Variants in STPG2 observed in about 807,000 individuals in gnomAD.
The protein encoded by STPG2 is sperm-tail PG-rich repeat-containing protein 2.
Under a neutral mutation model 54.2 loss-of-function variants are expected in STPG2, and 56 were observed. The observed-to-expected ratio is 1.03, with a 90% confidence interval of 0.83 to 1.29. The LOEUF (loss-of-function observed/expected upper bound fraction) is 1.29, where lower values mean the gene tolerates loss of function less well. STPG2 is among the 50% of genes most tolerant of loss of function. The pLI, the probability that STPG2 is intolerant of heterozygous loss-of-function variation, is 0.00. For synonymous variants in STPG2, 200 were observed against 181.8 expected (o/e 1.10, Z -0.81); for missense variants, 596 against 544.9 (o/e 1.09, Z -0.93).
intron 5 of STPG2, among the ~76,000 whole-genome samples, chr4:98,105,530 G>T (rs1031546437): frequency 2.0e-5 from 3 of 152,096 alleles, no homozygotes; most frequent in Non-Finnish European, 4.4e-5. Flanking sequence ...CGTTTTAACA[G>T]AAATGGGACT....
chr4:97,699,598 C>T (rs1723699073), intron 10 of STPG2, among the ~76,000 whole-genome samples: 1 of 152,208 alleles, frequency 6.6e-6, no homozygotes, highest in Admixed American at 6.5e-5. Context: ...AAGTGCATAA[C>T]CAGGTGCACT....
chr4:97,570,556 A>G (rs1732573097), intron 10 of STPG2, among the ~76,000 whole-genome samples: 1 of 151,560 alleles, frequency 6.6e-6, no homozygotes, highest in Non-Finnish European at 1.5e-5. Context: ...TTGCAAAAAC[A>G]AAAGTTTTTT....
At chr4:97,955,451 G>A (rs783951) in intron 7 of STPG2, among the ~76,000 whole-genome samples, 62,725 of 151,758 alleles carry the variant, frequency 0.41, 13,618 homozygotes, top group Admixed American at 0.53. Context: ...TCCTGACCTC[G>A]TGATCCACCC....
intron 9 of STPG2, among the ~76,000 whole-genome samples, chr4:97,741,108 A>G (rs1725215124): frequency 6.6e-6 from 1 of 152,086 alleles, no homozygotes; most frequent in Admixed American, 6.6e-5. Context: ...AATATGCAAT[A>G]GGGAAAGGAT....
intron 10 of STPG2, among the ~76,000 whole-genome samples, chr4:97,652,388 C>A (rs988545783): frequency 6.6e-6 from 1 of 151,722 alleles, no homozygotes; most frequent in African/African-American, 2.4e-5. Context: ...TAAAATCAGT[C>A]CTTTTTGTCT....
chr4:97,593,487 C>T (rs1314392183), intron 10 of STPG2, among the ~76,000 whole-genome samples: 1 of 152,134 alleles, frequency 6.6e-6, no homozygotes, highest in South Asian at 2.1e-4. Context: ...AGAATTTGTA[C>T]ACGGATGCCA....
intron 7 of STPG2, among the ~76,000 whole-genome samples, chr4:97,968,906 A>T (rs1734215624): frequency 6.6e-6 from 1 of 152,226 alleles, no homozygotes; most frequent in Non-Finnish European, 1.5e-5. Context: ...CAGAGAGCCT[A>T]TGAACGGATG....
chr4:97,787,380 T>C (rs1291163104), intron 9 of STPG2, among the ~76,000 whole-genome samples: 1 of 152,102 alleles, frequency 6.6e-6, no homozygotes, highest in Non-Finnish European at 1.5e-5. Context: ...TTCGCCCCTA[T>C]GCTCATCGGT....
chr4:97,962,693 A>G (rs1733934632), intron 7 of STPG2, among the ~76,000 whole-genome samples: 1 of 152,212 alleles, frequency 6.6e-6, no homozygotes. Flanking sequence ...TAGTATTGCA[A>G]CAACACTTTT....
At chr4:97,904,280 G>A (rs1230676533) in intron 8 of STPG2, among the ~76,000 whole-genome samples, 3 of 152,202 alleles carry the variant, frequency 2.0e-5, no homozygotes, top group Non-Finnish European at 1.5e-5. Context: ...CTCCTCAAGT[G>A]GGTCCCTGAC....
intron 9 of STPG2, among the ~76,000 whole-genome samples, chr4:97,788,220 T>C (rs1453056767): frequency 6.6e-6 from 1 of 152,042 alleles, no homozygotes; most frequent in Non-Finnish European, 1.5e-5. Flanking sequence ...GCTTCCCCTA[T>C]GACCCACTAC....
chr4:98,054,253 C>T (rs1737415661), intron 5 of STPG2, among the ~76,000 whole-genome samples: 1 of 151,984 alleles, frequency 6.6e-6, no homozygotes, highest in Admixed American at 6.6e-5. Context: ...AACGCATAAC[C>T]CCATGCAGCA....
intron 5 of STPG2, among the ~76,000 whole-genome samples, chr4:98,061,628 G>A (rs1206693821): frequency 6.6e-6 from 1 of 151,602 alleles, no homozygotes; most frequent in African/African-American, 2.4e-5. Context: ...TTTAAAAAGT[G>A]AGCAAAGTAC....
intron 10 of STPG2, among the ~76,000 whole-genome samples, chr4:97,593,416 G>A (rs1009960619): frequency 2.6e-5 from 4 of 152,150 alleles, no homozygotes; most frequent in Admixed American, 6.5e-5. Context: ...TGGTGTCAGC[G>A]CATCCTGGGT....
At chr4:97,987,805 A>C (rs552040312) in intron 5 of STPG2, among the ~76,000 whole-genome samples, 18 of 151,948 alleles carry the variant, frequency 1.2e-4, no homozygotes, top group African/African-American at 3.9e-4. Flanking sequence ...CTCCACAACT[A>C]CCACTCTGAT....
chr4:97,640,286 G>T (rs1175696438), intron 10 of STPG2, among the ~76,000 whole-genome samples: 1 of 152,008 alleles, frequency 6.6e-6, no homozygotes, highest in Non-Finnish European at 1.5e-5. Context: ...AAATAAGTCT[G>T]TAATTGCAAA....
intron 8 of STPG2, among the ~76,000 whole-genome samples, chr4:97,926,043 C>T (rs1302547886): frequency 6.6e-6 from 1 of 152,162 alleles, no homozygotes; most frequent in African/African-American, 2.4e-5. Flanking sequence ...TATCTCAAAA[C>T]TACTAGTATG....
intron 8 of STPG2, among the ~76,000 whole-genome samples, chr4:97,869,272 C>T (rs888722359): frequency 1.3e-5 from 2 of 151,482 alleles, no homozygotes; most frequent in African/African-American, 4.8e-5. Context: ...CTAAAATTAG[C>T]TCTAAAATGC....
intron 10 of STPG2, among the ~76,000 whole-genome samples, chr4:97,659,128 T>C (rs1206040500): frequency 5.3e-5 from 8 of 152,126 alleles, no homozygotes; most frequent in East Asian, 1.9e-4. Context: ...AAAGTAACCA[T>C]GAAAACAAAA....
Sources: allele counts gnomAD v4.1 joint callset (sites outside exome capture counted in the v4.1 genomes callset), GRCh38; gene constraint gnomAD v4.1.1; transcripts MANE v1.5; gene names NCBI Gene and HGNC (gene_info 2026-07-23, HGNC 2026-07-21).